The following CCDC171 variants were observed in gnomAD, a reference collection of about 807,000 sequenced individuals.
CCDC171 encodes coiled-coil domain containing 171.
Under a neutral mutation model 168.2 loss-of-function variants are expected in CCDC171, and 177 were observed. The ratio of observed to expected loss-of-function variants is 1.05; its 90% CI spans 0.93 to 1.19. The LOEUF is 1.19. Ranked by LOEUF, CCDC171 falls within the 50% of genes most tolerant of loss-of-function variation. CCDC171 has a pLI of 0.00. For synonymous variants in CCDC171, 687 were observed against 540.8 expected, an observed-to-expected ratio of 1.27 and a Z score of -3.75; for missense variants, 1,991 against 1,539.0, an observed-to-expected ratio of 1.29 and a Z score of -4.91.
chr9:15,888,106 T>C (rs1819675776), intron 24 of CCDC171: 1 of 152,250 alleles, frequency 6.6e-6, no homozygotes, highest in African/African-American at 2.4e-5. Flanking sequence ...CACTTACCTC[T>C]ATGGAGATAT....
At chr9:15,858,552 CAG>C (rs4007991) in intron 23 of CCDC171, among the ~76,000 whole-genome samples, 113,819 of 151,744 alleles carry the variant, frequency 0.75, 44,396 homozygotes, top group East Asian at 0.89. Flanking sequence ...TTCATGAACA[CAG>C]AATGTTTTTT....
intron 6 of CCDC171, among the ~76,000 whole-genome samples, chr9:15,609,257 G>A (rs766639447): frequency 5.7e-4 from 86 of 151,904 alleles, no homozygotes; most frequent in Non-Finnish European, 9.6e-4. Context: ...CTGCCACCAT[G>A]CCCAGCTAAT....
intron 23 of CCDC171, among the ~76,000 whole-genome samples, chr9:15,862,327 G>A (rs1233498209): frequency 6.8e-6 from 1 of 147,714 alleles, no homozygotes; most frequent in Admixed American, 6.7e-5. Flanking sequence ...TTTTTTTTCT[G>A]CTGGTTTTAG....
chr9:15,830,942 A>G (rs986719339), intron 21 of CCDC171, among the ~76,000 whole-genome samples: 5 of 141,212 alleles, frequency 3.5e-5, no homozygotes, highest in Admixed American at 1.4e-4. Context: ...GGCTTTTTCT[A>G]CCTCTTTTCT....
At position 15,571,756 on chromosome 9, in the gene CCDC171, A is replaced by C; in HGVS notation, c.174A>C (p.Ala58=). The change falls in exon 3 of 26, where the codon GCA becomes GCC. Residue 58 remains alanine, a synonymous_variant. Transcript: ENST00000380701. ...TAGAAATAACAACCAAACACAATGCAGAGGTACGATTTATTTTCCTCTCAA... is the reference window on the plus strand; with the variant it reads ...TAGAAATAACAACCAAACACAATGCCGAGGTACGATTTATTTTCCTCTCAA... ...EKLEITTKHN[A]ELASYESQIA... 1 of 1,572,528 alleles carries C rather than the reference A, an allele frequency of 6.4e-7. No homozygotes were observed. Among genetic ancestry groups the C allele is most frequent in the South Asian group, 1.2e-5 (1 of 81,930 alleles).
At chr9:15,970,659 T>C (rs1831258011) in intron 25 of CCDC171, among the ~76,000 whole-genome samples, 1 of 152,226 alleles carries the variant, frequency 6.6e-6, no homozygotes, top group Non-Finnish European at 1.5e-5. Flanking sequence ...TTAATTCTAC[T>C]GTCCAGTATT....
At chr9:15,757,469 G>C (rs1230998875) in intron 18 of CCDC171, among the ~76,000 whole-genome samples, 2 of 152,200 alleles carry the variant, frequency 1.3e-5, no homozygotes, top group South Asian at 2.1e-4. Flanking sequence ...CTTGGGTACT[G>C]TTAAAGGCAT....
chr9:15,846,251 T>C (rs1426363038), intron 21 of CCDC171, among the ~76,000 whole-genome samples: 1 of 152,140 alleles, frequency 6.6e-6, no homozygotes, highest in African/African-American at 2.4e-5. Flanking sequence ...TTTACCATTT[T>C]CTTATAGATA....
intron 24 of CCDC171, among the ~76,000 whole-genome samples, chr9:15,918,993 G>T (rs1170569770): frequency 2.6e-5 from 4 of 151,572 alleles, no homozygotes; most frequent in Non-Finnish European, 5.9e-5. Flanking sequence ...ATATGTATAG[G>T]CAGAGTATCT....
intron 3 of CCDC171, among the ~76,000 whole-genome samples, chr9:16,002,806 A>G (rs1223041810): frequency 6.6e-6 from 1 of 152,094 alleles, no homozygotes; most frequent in Non-Finnish European, 1.5e-5. Context: ...CTTTTATACC[A>G]TGTTTGTACT....
intron 22 of CCDC171, 40 bp from the exon 23 acceptor site, chr9:15,848,853 G>C (rs756338492): frequency 8.3e-7 from 1 of 1,200,020 alleles, no homozygotes; most frequent in Non-Finnish European, 1.2e-6. Context: ...TTGTAGTAAG[G>C]TTTGAGTTTT....
chr9:15,866,254 C>CT (rs915870018), intron 23 of CCDC171, among the ~76,000 whole-genome samples: 7 of 151,802 alleles, frequency 4.6e-5, no homozygotes, highest in African/African-American at 1.7e-4. Context: ...AATTTGAGCT[C>CT]TAGAGAGCAC....
chr9:15,637,952 C>T (rs1474132872), intron 7 of CCDC171, among the ~76,000 whole-genome samples: 2 of 152,050 alleles, frequency 1.3e-5, no homozygotes, highest in African/African-American at 4.8e-5. Context: ...GTCTTTATAA[C>T]AGCATGATTT....
At chr9:15,687,096 A>G (rs948499798) in intron 10 of CCDC171, among the ~76,000 whole-genome samples, 1 of 152,234 alleles carries the variant, frequency 6.6e-6, no homozygotes, top group Admixed American at 6.5e-5. Flanking sequence ...GAAATTAATA[A>G]CAGAAGGCAA....
At chr9:15,902,291 C>CAA (rs1291057585) in intron 24 of CCDC171, among the ~76,000 whole-genome samples, 1 of 147,476 alleles carries the variant, frequency 6.8e-6, no homozygotes, top group Non-Finnish European at 1.5e-5. Flanking sequence ...TACACACACA[C>CAA]ACACACATAA....
At chr9:15,913,868 G>C (rs750502165) in intron 24 of CCDC171, among the ~76,000 whole-genome samples, 1 of 152,146 alleles carries the variant, frequency 6.6e-6, no homozygotes. Flanking sequence ...GTTGCTTTCT[G>C]TTTGTTAGTT....
chr9:15,625,445 T>C (rs2044985338), intron 7 of CCDC171, among the ~76,000 whole-genome samples: 1 of 152,234 alleles, frequency 6.6e-6, no homozygotes, highest in South Asian at 2.1e-4. Context: ...TTTTTATGGT[T>C]TTAGGTCTAA....
At chr9:15,687,940 G>A (rs149123681) in intron 10 of CCDC171, among the ~76,000 whole-genome samples, 414 of 152,136 alleles carry the variant, frequency 2.7e-3, no homozygotes, top group Non-Finnish European at 5.0e-3. Flanking sequence ...CCAACGTAGC[G>A]AAACCCCGTC....
chr9:15,844,740 C>T (rs539653902), intron 21 of CCDC171, among the ~76,000 whole-genome samples: 25 of 151,956 alleles, frequency 1.6e-4, no homozygotes, highest in African/African-American at 5.1e-4. Context: ...AGAATGGAAA[C>T]GAGAAGATTT....
Sources: allele counts gnomAD v4.1 joint callset (sites outside exome capture counted in the v4.1 genomes callset), GRCh38; gene constraint gnomAD v4.1.1; transcripts MANE v1.5; gene names NCBI Gene and HGNC (gene_info 2026-07-23, HGNC 2026-07-21).